The following PLEKHG2 variants were observed in gnomAD, a reference collection of about 807,000 sequenced individuals.
PLEKHG2 encodes pleckstrin homology domain-containing family G member 2.
In PLEKHG2, 71 loss-of-function variants were observed where a neutral mutation model predicts 104.4. That is an observed-to-expected ratio of 0.68 (90% CI 0.56 to 0.83). PLEKHG2 has a LOEUF of 0.83. PLEKHG2 is among the 40% of genes least tolerant of loss of function. PLEKHG2 has a pLI of 0.00. For synonymous variants in PLEKHG2, 728 were observed against 737.0 expected (o/e 0.99, Z 0.20); for missense variants, 1,730 against 1,809.4 (o/e 0.96, Z 0.80).
chr19:39,414,756 T>C (rs930356783), intron 2 of PLEKHG2, among the ~76,000 whole-genome samples: 47 of 152,026 alleles, frequency 3.1e-4, no homozygotes, highest in African/African-American at 1.1e-3. Flanking sequence ...AATTAATAAA[T>C]GTCTACCTAG....
rs758449222 is a variant in PLEKHG2, at chr19:39,423,506, C to T, written c.2452C>T (p.Arg818Ter). 4 of 1,578,792 alleles carry T rather than the reference C, an allele frequency of 2.5e-6. No individual in the cohort carries two copies. Among genetic ancestry groups the T allele is most frequent in the Non-Finnish European group, 3.4e-6 (4 of 1,160,502 alleles). ...PSSERTASRV[R>*]ELARLYSERI... ...TTCAGAAAGGACGGCGTCCCGAGTG[C>T]GAGAGCTGGCCCGGCTTTACAGCGA... Residue 818 changes from arginine to a stop codon, truncating the protein, a stop_gained, in exon 18 of 19, where the codon CGA becomes TGA. Coordinates refer to ENST00000425673, the MANE Select transcript of PLEKHG2 (RefSeq NM_022835.3). LOFTEE classifies it high-confidence loss of function.
At position 39,423,858 on chromosome 19, in the gene PLEKHG2, G is replaced by A. The variant is rs2078741018; in HGVS notation, c.2725G>A (p.Gly909Arg). The A allele has an allele frequency of 6.2e-7, 1 of 1,614,182 alleles. No homozygotes were observed. Among genetic ancestry groups the A allele is most frequent in the Non-Finnish European group, 8.5e-7 (1 of 1,180,042 alleles). Residue 909 changes from glycine (G) to arginine (R), a missense_variant, in exon 19 of 19, where the codon GGA becomes AGA. By Grantham distance (125) the Gly-to-Arg change is moderately radical. Coordinates refer to ENST00000425673, the MANE Select transcript of PLEKHG2 (RefSeq NM_022835.3). ...AGCTGCCATACCTTTGTCAAAGCAG[G>A]GAGGCAGCCCGGATGGCCAGGGTCT... ...VQAAIPLSKQ[G>R]GSPDGQGLHV...
At chr19:39,418,619 T>G in intron 9 of PLEKHG2, 115 bp from the exon 10 acceptor site, 2 of 765,344 alleles carry the variant, frequency 2.6e-6, no homozygotes, top group Non-Finnish European at 4.3e-6. Flanking sequence ...TACAGCCTTA[T>G]GGGATGCATC....
Position 39,422,963 on chromosome 19 carries a change from G to C in PLEKHG2, c.1909G>C (p.Asp637His). 1 of 1,614,180 alleles carries C rather than the reference G, an allele frequency of 6.2e-7. No individual in the cohort carries two copies. Among genetic ancestry groups the C allele is most frequent in the Non-Finnish European group, 8.5e-7 (1 of 1,180,018 alleles). ...CATTCCCTGCCTTACCAAAATTCCT[G>C]ACGTGCCCAACCTTCCTGAAATTCC... ...PSIPCLTKIP[D>H]VPNLPEIPSR... The change falls in exon 18 of 19, where the codon GAC becomes CAC. Residue 637 changes from aspartate (D) to histidine (H), a missense_variant. Physicochemically the swap from Asp to His is moderately conservative, Grantham distance 81. Coordinates refer to ENST00000425673, the MANE Select transcript of PLEKHG2 (RefSeq NM_022835.3).
rs769186105 is a variant in PLEKHG2, at chr19:39,423,007, C to T, written c.1953C>T (p.Pro651=). 8.9e-5 allele frequency: 144 copies of T among 1,614,038 alleles called. No homozygotes were observed. Among genetic ancestry groups the T allele is most frequent in the East Asian group, 2.5e-4 (11 of 44,888 alleles). Residue 651 remains proline, a synonymous_variant, in exon 18 of 19, where the codon CCC becomes CCT. Coordinates refer to ENST00000425673, the MANE Select transcript of PLEKHG2 (RefSeq NM_022835.3). ...AAATTCCCAGCCGCTGTGAAATTCC[C>T]GAAGGTTCTCGCCTTCCTAGTCTCT... The part of the protein sequence containing the change: ...LPEIPSRCEI[P]EGSRLPSLSD...
At chr19:39,419,862 A>G (rs1354518793) in intron 11 of PLEKHG2, among the ~76,000 whole-genome samples, 4 of 149,990 alleles carry the variant, frequency 2.7e-5, no homozygotes, top group Admixed American at 1.3e-4. Context: ...ACTGGGCAAC[A>G]GAGTGAGCCT....
At chr19:39,418,162 C>T (rs2078639368) in intron 9 of PLEKHG2, 57 bp downstream of exon 9, 1 of 1,360,468 alleles carries the variant, frequency 7.4e-7, no homozygotes, top group Admixed American at 3.4e-5. Context: ...ATCCCATATA[C>T]CTGTATCTGT....
rs1169841975 is a variant in PLEKHG2 at position 39,416,261 on chromosome 19, A to AGACCATTG, written c.480-85_480-78dup. ...CAGTCAGCAAGCCCCCAGCCCCAGC[A>AGACCATTG]GACCATTGGGGCCTCAGCCTCCTGG... On this transcript the variant is annotated intron_variant, in intron 4 of 18. Transcript: ENST00000425673. The surrounding 1 kb of genome is among the most constrained non-coding windows in gnomAD (Gnocchi z 4.5). 2.6e-5 allele frequency: 34 copies of AGACCATTG among 1,330,952 alleles called. No individual in the cohort carries two copies. In the East Asian group the frequency reaches 7.1e-4, roughly 28 times the overall value. 82.4% of individuals were successfully genotyped at this position (1,330,952 alleles called of 1,614,324 possible). A position where few individuals can be genotyped will look rare whatever the true frequency, so the allele number is the denominator to read the frequency against.
At chr19:39,414,622 G>A (rs576026410) in intron 2 of PLEKHG2, among the ~76,000 whole-genome samples, 1 of 152,332 alleles carries the variant, frequency 6.6e-6, no homozygotes, top group Admixed American at 6.5e-5. Flanking sequence ...TGTGGGAAGA[G>A]AACTGGCTAG....
At chr19:39,418,687 A>C (rs764315288) in intron 9 of PLEKHG2, 47 bp from the exon 10 acceptor site, 1 of 1,497,120 alleles carries the variant, frequency 6.7e-7, no homozygotes, top group Non-Finnish European at 9.3e-7. Flanking sequence ...AAGGGGCATC[A>C]CTGAGCCCAA....
rs183453374 is a variant in PLEKHG2, at chr19:39,419,513, G to A, written c.1263+510G>A. The stretch of plus-strand genomic sequence containing the variant: ...TCCCAACACTTTGGGAGACCAAGGC[G>A]GGCGGATCACCTGAGGTCAGGAGTT... On this transcript the variant is annotated intron_variant, in intron 11 of 18. Transcript: ENST00000425673. 2.4e-3 allele frequency among the ~76,000 whole-genome samples: 364 copies of A among 152,278 alleles called. 3 individuals carry two copies. Among genetic ancestry groups the A allele is most frequent in the African/African-American group, 8.2e-3 (341 of 41,568 alleles).
At position 39,424,803 on chromosome 19, in the gene PLEKHG2, C is replaced by T; in HGVS notation, c.3670C>T (p.Gln1224Ter). The T allele has an allele frequency of 6.2e-7, 1 of 1,614,196 alleles. No homozygotes were observed. Among genetic ancestry groups the T allele is most frequent in the Non-Finnish European group, 8.5e-7 (1 of 1,180,028 alleles). Residue 1224 changes from glutamine (Q) to a stop codon, truncating the protein, a stop_gained, in exon 19 of 19, where the codon CAG becomes TAG. Transcript: ENST00000425673. LOFTEE classifies it low-confidence loss of function (END_TRUNC). ...TGAGAGAGGAGGCTCTCTAGACATT[C>T]AGGGCCTCTCACCCACCCCAGTTCA... ...LPERGGSLDI[Q>*]GLSPTPVQTT...
chr19:39,420,545 G>A, intron 11 of PLEKHG2, 81 bp from the exon 12 acceptor site: 1 of 1,581,472 alleles, frequency 6.3e-7, no homozygotes, highest in Non-Finnish European at 8.7e-7. Flanking sequence ...CCATTAATGG[G>A]CATGACTACG....
rs1009889282 is a variant in PLEKHG2, at chr19:39,416,387, G to C, written c.519G>C (p.Gly173=). Reference sequence around the variant, plus strand: ...ACTTGGAGAACAGCAGCAGCGCCGGGGGTATTGCCGAGTGCTTCGTGCAGA... The same window carrying C: ...ACTTGGAGAACAGCAGCAGCGCCGGCGGTATTGCCGAGTGCTTCGTGCAGA... ...LEDLENSSSA[G]GIAECFVQRS... is the part of the protein sequence containing the mutation. Residue 173 remains glycine (G), a synonymous_variant, in exon 5 of 19, where the codon GGG becomes GGC. Coordinates refer to ENST00000425673, the MANE Select transcript of PLEKHG2 (RefSeq NM_022835.3). This position sits in a 1 kb window ranked among gnomAD's most constrained non-coding sequence, Gnocchi z 4.5. 6.2e-7 allele frequency: 1 copy of C among 1,613,282 alleles called. No homozygotes were observed. Among genetic ancestry groups the C allele is most frequent in the Non-Finnish European group, 8.5e-7 (1 of 1,179,820 alleles).
Position 39,424,890 on chromosome 19 carries a change from T to C in PLEKHG2, c.3757T>C (p.Ser1253Pro). 1 of 1,613,906 alleles carries C rather than the reference T, an allele frequency of 6.2e-7. No individual in the cohort carries two copies. The highest frequency in any genetic ancestry group is 8.5e-7 in the Non-Finnish European group (1 of 1,179,962). Residue 1253 changes from serine (S) to proline (P), a missense_variant, in exon 19 of 19, where the codon TCT (serine) becomes CCT (proline). Transcript: ENST00000425673. ...AGCCTCTCACGTTGCCAGGTTGGAG[T>C]CTTCAGACTTGACGCCACCTCATAG... ...SLASHVARLE[S>P]SDLTPPHSPP...
Position 39,415,538 on chromosome 19 carries a change from A to G in PLEKHG2, c.479+99A>G. On this transcript the variant is annotated intron_variant, in intron 4 of 18. Transcript: ENST00000425673. The surrounding 1 kb of genome is among the most constrained non-coding windows in gnomAD (Gnocchi z 4.6). ...TTCGTAGTGTCCTGTCCAGGCTGGTACGTGGGGTTGTGACATTGGGCAAGG... is the reference window on the plus strand; with the variant it reads ...TTCGTAGTGTCCTGTCCAGGCTGGTGCGTGGGGTTGTGACATTGGGCAAGG... The G allele has an allele frequency of 7.5e-7, 1 of 1,333,298 alleles. No individual in the cohort carries two copies. The highest frequency in any genetic ancestry group is 1.0e-6 in the Non-Finnish European group (1 of 962,928). The allele number at this position is 1,333,298 out of a possible 1,614,324, so 82.6% of individuals were successfully genotyped here. A position where few individuals can be genotyped will look rare whatever the true frequency, so the allele number is the denominator to read the frequency against.
chr19:39,418,102 C>A lies in PLEKHG2; in HGVS notation c.1080C>A (p.Ile360=). The A allele has an allele frequency of 6.6e-7, 1 of 1,503,812 alleles. No homozygotes were observed. Among genetic ancestry groups the A allele is most frequent in the Non-Finnish European group, 8.9e-7 (1 of 1,128,042 alleles). 93.2% of individuals were successfully genotyped at this position (1,503,812 alleles called of 1,614,324 possible). The change falls in exon 9 of 19, where the codon ATC becomes ATA. Residue 360 remains isoleucine (I), a synonymous_variant. Coordinates refer to ENST00000425673, the MANE Select transcript of PLEKHG2 (RefSeq NM_022835.3). Reference sequence around the variant, plus strand: ...TGGAGTACACCTACAAAGGCCACATCTTCGTGAGTTTGGGGATGGGGTGGG... The same window carrying A: ...TGGAGTACACCTACAAAGGCCACATATTCGTGAGTTTGGGGATGGGGTGGG... ...RGLEYTYKGH[I]FCCNLSVSES...
chr19:39,419,019 C>T lies in PLEKHG2; in HGVS notation c.1263+16C>T. The T allele has an allele frequency of 6.3e-7, 1 of 1,599,432 alleles. No homozygotes were observed. The highest frequency in any genetic ancestry group is 1.1e-5 in the South Asian group (1 of 89,804). ...CCCTGCCAAGGTACAGCTCCTGCCG[C>T]AGCCGGGGGCCCTCTGAGTGCTGGA... On this transcript the variant is annotated intron_variant, in intron 11 of 18. Transcript: ENST00000425673.
In PLEKHG2 at chr19:39,424,088, C is replaced by A. The variant is rs1462298411; in HGVS notation, c.2955C>A (p.Thr985=). The change falls in exon 19 of 19, where the codon ACC becomes ACA. Residue 985 remains threonine (T), a synonymous_variant. Coordinates refer to ENST00000425673, the MANE Select transcript of PLEKHG2 (RefSeq NM_022835.3). ...ACCCAGAAATCCAAGTTCCAGCCACCACTCCTTTGCCTGAGCATAGAAGTC... is the reference window on the plus strand; with the variant it reads ...ACCCAGAAATCCAAGTTCCAGCCACAACTCCTTTGCCTGAGCATAGAAGTC... ...QGHPEIQVPA[T]TPLPEHRSHM... is the part of the protein sequence containing the mutation. The A allele has an allele frequency of 1.1e-5, 18 of 1,614,040 alleles. No homozygotes were observed. The highest frequency in any genetic ancestry group is 1.4e-5 in the Non-Finnish European group (17 of 1,179,952).
Sources: allele counts gnomAD v4.1 joint callset (sites outside exome capture counted in the v4.1 genomes callset), GRCh38; gene constraint gnomAD v4.1.1; non-coding constraint Gnocchi (gnomAD v3.1); transcripts MANE v1.5; gene names NCBI Gene and HGNC (gene_info 2026-07-23, HGNC 2026-07-21).